Variants in SLC8A1 observed in about 807,000 individuals in gnomAD.
SLC8A1 encodes sodium/calcium exchanger 1.
SLC8A1 carries 18 observed loss-of-function variants against 68.3 expected under a neutral mutation model. The observed-to-expected ratio is 0.26, with a 90% CI of 0.18 to 0.39. The LOEUF (loss-of-function observed/expected upper bound fraction) is 0.39, where lower values mean the gene tolerates loss of function less well. SLC8A1 is among the 10% of genes least tolerant of loss of function. SLC8A1 has a pLI of 1.00. For synonymous variants in SLC8A1, 475 were observed against 415.5 expected (o/e 1.14, Z -1.74); for missense variants, 985 against 1,156.7 (o/e 0.85, Z 2.15).
intron 2 of SLC8A1, among the ~76,000 whole-genome samples, chr2:40,263,987 TCAAA>T (rs1440494996): frequency 6.6e-6 from 1 of 151,918 alleles, no homozygotes; most frequent in African/African-American, 2.4e-5. Context: ...TACAATGAAC[TCAAA>T]CAAATTTACA....
intron 2 of SLC8A1, among the ~76,000 whole-genome samples, chr2:40,294,502 G>A (rs187391210): frequency 3.9e-5 from 6 of 152,072 alleles, no homozygotes; most frequent in African/African-American, 1.4e-4. Flanking sequence ...AAAACACCTA[G>A]GGCATATTTT....
In SLC8A1 at chr2:40,412,721, G is replaced by A. The variant is rs149705860; in HGVS notation, c.1808+15752C>T. Among the ~76,000 whole-genome samples the A allele has an allele frequency of 6.4e-3, 975 of 152,176 alleles. 5 individuals are homozygous for A. Among genetic ancestry groups the A allele is most frequent in the Admixed American group, 0.01 (159 of 15,278 alleles). ...AAACCACAGCTGCTAAAATTGCAAA[G>A]GCATGAGTCAGTCATGACAATAATT... is the stretch of plus-strand genomic sequence containing the variant. On this transcript the variant is annotated intron_variant, in intron 2 of 7. Coordinates refer to ENST00000406785, the Ensembl canonical transcript of SLC8A1.
At chr2:40,158,546 T>C (rs1480957168) in intron 6 of SLC8A1, among the ~76,000 whole-genome samples, 5 of 152,192 alleles carry the variant, frequency 3.3e-5, no homozygotes, top group African/African-American at 1.2e-4. Context: ...ATATCTCAGT[T>C]ATTAACAATT....
rs889189491 is a variant in SLC8A1 at position 40,238,148 on chromosome 2, C to A, written c.1809-60293G>T. The stretch of plus-strand genomic sequence containing the variant: ...TGGACTCCACCCAGTTCGAGCTTCC[C>A]GGCTGCTTTGTTTACCTAATCAAGC... On this transcript the variant is annotated intron_variant, in intron 2 of 7. Coordinates refer to ENST00000406785, the Ensembl canonical transcript of SLC8A1. Among the ~76,000 whole-genome samples the A allele has an allele frequency of 5.3e-4, 81 of 152,062 alleles. 1 individual carries two copies. Among genetic ancestry groups the A allele is most frequent in the Middle Eastern group, 3.4e-3 (1 of 292 alleles).
At chr2:40,140,825 C>T (rs1264597427) in intron 6 of SLC8A1, among the ~76,000 whole-genome samples, 3 of 113,972 alleles carry the variant, frequency 2.6e-5, no homozygotes, top group Non-Finnish European at 5.1e-5. Flanking sequence ...TATAACTATG[C>T]AATTACCTGA....
intron 2 of SLC8A1, among the ~76,000 whole-genome samples, chr2:40,254,119 C>G (rs1396680831): frequency 1.3e-5 from 2 of 151,986 alleles, no homozygotes; most frequent in Non-Finnish European, 2.9e-5. Flanking sequence ...ATGCATGTAT[C>G]AAAGCATCAC....
rs915686933 is a variant in SLC8A1, at chr2:40,327,116, T to C, written c.1808+101357A>G. ...CTTAAATTATATAATTTTAATTTATTCCCTTTCAATCTTTCTCATATGCAT... is the reference window on the plus strand; with the variant it reads ...CTTAAATTATATAATTTTAATTTATCCCCTTTCAATCTTTCTCATATGCAT... On this transcript the variant is annotated intron_variant, in intron 2 of 7. Transcript: ENST00000406785. Among the ~76,000 whole-genome samples, 3 of 152,360 alleles carry C rather than the reference T, an allele frequency of 2.0e-5. No homozygotes were observed. In the South Asian group the frequency reaches 6.2e-4, roughly 32 times the overall value.
chr2:40,183,896 C>T (rs1337019107), intron 2 of SLC8A1, among the ~76,000 whole-genome samples: 1 of 152,106 alleles, frequency 6.6e-6, no homozygotes, highest in East Asian at 1.9e-4. Flanking sequence ...TGGCTCATGC[C>T]TGTAATCCTA....
intron 1 of SLC8A1, among the ~76,000 whole-genome samples, chr2:40,490,330 A>C (rs1018409668): frequency 1.3e-5 from 2 of 152,134 alleles, no homozygotes; most frequent in African/African-American, 4.8e-5. Flanking sequence ...TTAGTATTTC[A>C]AAAGGAAATA....
chr2:40,370,270 C>G lies in SLC8A1; in HGVS notation c.1808+58203G>C, dbSNP rs191490408. Among the ~76,000 whole-genome samples the G allele has an allele frequency of 1.5e-3, 227 of 152,258 alleles. 1 individual carries two copies. The highest frequency in any genetic ancestry group is 5.3e-3 in the African/African-American group (222 of 41,570). On this transcript the variant is annotated intron_variant, in intron 2 of 7. Transcript: ENST00000406785. Reference sequence around the variant, plus strand: ...CCTCAGTTGGTGAGTTCTGAGAGCTCAGACATTTTTCTAGAAACTAAACAG... The same window carrying G: ...CCTCAGTTGGTGAGTTCTGAGAGCTGAGACATTTTTCTAGAAACTAAACAG...
exon 8 of SLC8A1, chr2:40,099,204 A>G (rs1346196193): frequency 6.6e-6 from 1 of 152,058 alleles, no homozygotes; most frequent in African/African-American, 2.4e-5. Context: ...TATCACTGAA[A>G]CACACTGAAA....
At chr2:40,118,812 G>A (rs1034827228) in intron 7 of SLC8A1, among the ~76,000 whole-genome samples, 1 of 151,650 alleles carries the variant, frequency 6.6e-6, no homozygotes, top group Non-Finnish European at 1.5e-5. Context: ...TTGCGGGGGT[G>A]GTAATTCCCT....
chr2:40,397,952 G>A (rs1007568074), intron 2 of SLC8A1, among the ~76,000 whole-genome samples: 1 of 152,114 alleles, frequency 6.6e-6, no homozygotes, highest in African/African-American at 2.4e-5. Context: ...GTGGGACACT[G>A]AACTTACACA....
chr2:40,264,394 T>C (rs2065090748), intron 2 of SLC8A1, among the ~76,000 whole-genome samples: 1 of 152,068 alleles, frequency 6.6e-6, no homozygotes, highest in African/African-American at 2.4e-5. Flanking sequence ...TAAAGACACA[T>C]GCACACGTAT....
intron 2 of SLC8A1, among the ~76,000 whole-genome samples, chr2:40,426,697 C>T (rs1220241523): frequency 6.6e-6 from 1 of 151,784 alleles, no homozygotes; most frequent in Non-Finnish European, 1.5e-5. Flanking sequence ...CAAAACAAAA[C>T]ACAGATTTAA....
intron 2 of SLC8A1, among the ~76,000 whole-genome samples, chr2:40,381,957 G>C (rs1483713499): frequency 6.6e-6 from 1 of 151,812 alleles, no homozygotes; most frequent in East Asian, 1.9e-4. Flanking sequence ...TAGTCAGTCA[G>C]GAGGATGGAT....
exon 8 of SLC8A1, chr2:40,104,638 G>C (rs1325800383): frequency 1.3e-5 from 2 of 152,090 alleles, no homozygotes; most frequent in Non-Finnish European, 2.9e-5. Context: ...CTAAATCAAA[G>C]ACTAGTGTTA....
At chr2:40,493,108 A>G (rs1185278294) in intron 1 of SLC8A1, among the ~76,000 whole-genome samples, 1 of 152,198 alleles carries the variant, frequency 6.6e-6, no homozygotes, top group African/African-American at 2.4e-5. Flanking sequence ...ATGTCCAACA[A>G]TAATAGACTG....
At chr2:40,443,836 A>G (rs1559708671) in intron 1 of SLC8A1, among the ~76,000 whole-genome samples, 1 of 152,226 alleles carries the variant, frequency 6.6e-6, no homozygotes, top group Non-Finnish European at 1.5e-5. Flanking sequence ...TTTGGCATTC[A>G]GTGCCATCTA....
Sources: allele counts gnomAD v4.1 joint callset (sites outside exome capture counted in the v4.1 genomes callset), GRCh38; gene constraint gnomAD v4.1.1; transcripts MANE v1.5; gene names NCBI Gene and HGNC (gene_info 2026-07-23, HGNC 2026-07-21).